THRB: variants seen among roughly 807,000 people sequenced by gnomAD.
THRB encodes nuclear receptor subfamily 1 group A member 2.
A neutral mutation model predicts 47.8 loss-of-function variants in THRB; 12 were observed. That is an observed-to-expected ratio of 0.25 (90% CI 0.16 to 0.41). The LOEUF is 0.41. THRB is among the 10% of genes least tolerant of loss of function. The pLI is 1.00. For missense variants in THRB, 348 were observed against 589.2 expected, an observed-to-expected ratio of 0.59 and a Z score of 4.24; for synonymous variants, 218 against 212.2, an observed-to-expected ratio of 1.03 and a Z score of -0.24.
chr3:24,388,837 C>T (rs1314049967), intron 1 of THRB, among the ~76,000 whole-genome samples: 1 of 152,112 alleles, frequency 6.6e-6, no homozygotes, highest in Non-Finnish European at 1.5e-5. Flanking sequence ...CAATTTATAT[C>T]TCTCATCTGA....
chr3:24,199,373 C>A (rs2044336721), intron 4 of THRB, among the ~76,000 whole-genome samples: 1 of 152,230 alleles, frequency 6.6e-6, no homozygotes, highest in African/African-American at 2.4e-5. Flanking sequence ...CTTTCTTTTA[C>A]TGAGCACCTG....
intron 3 of THRB, among the ~76,000 whole-genome samples, chr3:24,239,797 G>A (rs2049289926): frequency 6.6e-6 from 1 of 152,100 alleles, no homozygotes; most frequent in Admixed American, 6.6e-5. Context: ...GCCAGAATGT[G>A]TACAGTTAAA....
chr3:24,453,347 G>T (rs989591603), intron 1 of THRB, among the ~76,000 whole-genome samples: 1 of 152,088 alleles, frequency 6.6e-6, no homozygotes, highest in African/African-American at 2.4e-5. Context: ...AAATTAATTT[G>T]CCCAAGGTCA....
chr3:24,441,729 G>A (rs1313808913), intron 1 of THRB, among the ~76,000 whole-genome samples: 1 of 152,172 alleles, frequency 6.6e-6, no homozygotes, highest in Admixed American at 6.5e-5. Context: ...TTGCCCTTGT[G>A]ATTAAGTGTG....
At chr3:24,174,197 GA>G (rs1419389116) in intron 5 of THRB, among the ~76,000 whole-genome samples, 1 of 151,562 alleles carries the variant, frequency 6.6e-6, no homozygotes, top group Non-Finnish European at 1.5e-5. Flanking sequence ...TTTAATAGAT[GA>G]AAAAAAATCT....
chr3:24,332,895 A>C (rs190603333), intron 2 of THRB, among the ~76,000 whole-genome samples: 170 of 152,132 alleles, frequency 1.1e-3, no homozygotes, highest in African/African-American at 3.9e-3. Flanking sequence ...TCTCTACTAA[A>C]AATACAAAAA....
In THRB at chr3:24,465,032, AT is replaced by A. The variant is rs201952358; in HGVS notation, c.-261+29619del. Among the ~76,000 whole-genome samples the A allele has an allele frequency of 4.2e-3, 624 of 148,450 alleles. 4 individuals carry two copies. Among genetic ancestry groups the A allele is most frequent in the African/African-American group, 0.015 (597 of 40,520 alleles). On this transcript the variant is annotated intron_variant, in intron 1 of 10. Transcript: ENST00000646209. ...ATGTTTACAAAATTCTTCACTCACT[AT>A]TTTTTTTTTCCTGCAACCTACACCT...
intron 3 of THRB, among the ~76,000 whole-genome samples, chr3:24,269,879 TTTA>T (rs1169522287): frequency 1.3e-5 from 2 of 152,216 alleles, no homozygotes; most frequent in East Asian, 1.9e-4. Context: ...GACATGTACC[TTTA>T]TAATTTCTGC....
rs115965277 is a variant in THRB, at chr3:24,168,350, G to A, written c.284-15860C>T. 5.1e-3 allele frequency among the ~76,000 whole-genome samples: 776 copies of A among 152,060 alleles called. 5 individuals are homozygous for A. The highest frequency in any genetic ancestry group is 0.018 in the African/African-American group (744 of 41,478). On this transcript the variant is annotated intron_variant, in intron 5 of 10. Coordinates refer to ENST00000646209, the MANE Select transcript of THRB (RefSeq NM_001354712.2). Reference sequence around the variant, plus strand: ...CACAAATGGGGTAAGCTTCAGTGAGGTTGTTGTCTTATTTTCTTGATTGCC... The same window carrying A: ...CACAAATGGGGTAAGCTTCAGTGAGATTGTTGTCTTATTTTCTTGATTGCC...
intron 1 of THRB, among the ~76,000 whole-genome samples, chr3:24,487,466 T>C (rs1344317759): frequency 6.6e-6 from 1 of 152,172 alleles, no homozygotes; most frequent in Non-Finnish European, 1.5e-5. Flanking sequence ...TGGAAACTTT[T>C]ACAAGTTGTT....
At chr3:24,238,272 T>TGGGGGG in intron 3 of THRB, among the ~76,000 whole-genome samples, 1 of 8,952 alleles carries the variant, frequency 1.1e-4, no homozygotes, top group Admixed American at 9.7e-4. Context: ...TATGTGTGTG[T>TGGGGGG]GTGTGTGGGG....
chr3:24,369,907 A>G (rs2064776676), intron 1 of THRB, among the ~76,000 whole-genome samples: 1 of 152,186 alleles, frequency 6.6e-6, no homozygotes, highest in Non-Finnish European at 1.5e-5. Flanking sequence ...AGTTTTAGGA[A>G]CTAACTCTGG....
chr3:24,210,590 A>G (rs2045920803), intron 4 of THRB, among the ~76,000 whole-genome samples: 1 of 152,184 alleles, frequency 6.6e-6, no homozygotes, highest in Admixed American at 6.5e-5. Flanking sequence ...CCAAATGTCA[A>G]CAGTGCTGAG....
chr3:24,413,574 T>A (rs888850247), intron 1 of THRB, among the ~76,000 whole-genome samples: 3 of 151,848 alleles, frequency 2.0e-5, no homozygotes, highest in African/African-American at 7.2e-5. Context: ...CATCTCTGAT[T>A]TTTTTTATGA....
At chr3:24,221,949 A>T (rs1377968736) in intron 4 of THRB, among the ~76,000 whole-genome samples, 1 of 152,254 alleles carries the variant, frequency 6.6e-6, no homozygotes, top group Non-Finnish European at 1.5e-5. Flanking sequence ...AGACAGTCAG[A>T]GCACAAGAGG....
chr3:24,267,856 C>A (rs1446007000), intron 3 of THRB, among the ~76,000 whole-genome samples: 1 of 152,162 alleles, frequency 6.6e-6, no homozygotes, highest in Non-Finnish European at 1.5e-5. Flanking sequence ...GGTCCCGGTA[C>A]CCATCCCAAT....
intron 1 of THRB, among the ~76,000 whole-genome samples, chr3:24,451,229 C>CTTTTTTTTTT (rs71057674): frequency 3.1e-5 from 3 of 95,348 alleles, no homozygotes; most frequent in African/African-American, 4.3e-5. Flanking sequence ...ACTACATGTA[C>CTTTTTTTTTT]TTTTTTTTTT....
intron 3 of THRB, among the ~76,000 whole-genome samples, chr3:24,280,206 A>G (rs2054407316): frequency 6.6e-6 from 1 of 152,168 alleles, no homozygotes; most frequent in African/African-American, 2.4e-5. Flanking sequence ...ATTTGAAGAG[A>G]GCAGTGGTTC....
In THRB at chr3:24,217,333, GAA is replaced by G. The variant is rs147620539; in HGVS notation, c.22+11603_22+11604del. On this transcript the variant is annotated intron_variant, in intron 4 of 10. Transcript: ENST00000646209. ...CCATGAAAAATGCCTTCAGATTTTTGAAAAAGATATAGAAATTTTTCTATACA... is the reference window on the plus strand; with the variant it reads ...CCATGAAAAATGCCTTCAGATTTTTGAAAGATATAGAAATTTTTCTATACA... Among the ~76,000 whole-genome samples the G allele has an allele frequency of 5.4e-3, 821 of 152,098 alleles. 7 individuals carry two copies. Among genetic ancestry groups the G allele is most frequent in the South Asian group, 0.042 (204 of 4,808 alleles).
Sources: allele counts gnomAD v4.1 joint callset (sites outside exome capture counted in the v4.1 genomes callset), GRCh38; gene constraint gnomAD v4.1.1; transcripts MANE v1.5; gene names NCBI Gene and HGNC (gene_info 2026-07-23, HGNC 2026-07-21).